MLLT1: variants seen among roughly 807,000 people sequenced by gnomAD.
The protein encoded by MLLT1 is protein ENL.
In MLLT1, 11 loss-of-function variants were observed where a neutral mutation model predicts 55.1. That is an observed-to-expected ratio of 0.20 (90% CI 0.13 to 0.33). The LOEUF is 0.33. MLLT1 is among the 10% of genes least tolerant of loss of function. The probability of loss-of-function intolerance (pLI) is 1.00; values close to 1 mark genes in which losing one functional copy is unlikely to be tolerated. For synonymous variants in MLLT1, 323 were observed against 320.1 expected (o/e 1.01, Z -0.10); for missense variants, 536 against 760.6 (o/e 0.70, Z 3.47).
chr19:6,253,198 G>A (rs1600205020), intron 3 of MLLT1, among the ~76,000 whole-genome samples: 1 of 135,010 alleles, frequency 7.4e-6, no homozygotes, highest in East Asian at 2.3e-4. Context: ...CCGGGAGGCA[G>A]AGCTTGCAGT....
chr19:6,225,089 C>T (rs1482936523), intron 5 of MLLT1, among the ~76,000 whole-genome samples: 2 of 152,334 alleles, frequency 1.3e-5, no homozygotes, highest in Non-Finnish European at 2.9e-5. Context: ...AGGCCAAGTA[C>T]CTGACATTAC....
chr19:6,222,246 G>A lies in MLLT1; in HGVS notation c.985C>T (p.Pro329Ser). The A allele has an allele frequency of 6.2e-7, 1 of 1,613,102 alleles. No individual in the cohort carries two copies. The highest frequency in any genetic ancestry group is 8.5e-7 in the Non-Finnish European group (1 of 1,179,698). The change falls in exon 6 of 12, where the codon CCG (proline) becomes TCG (serine). Residue 329 changes from proline to serine, a missense_variant. Transcript: ENST00000252674. This position sits in a 1 kb window ranked among gnomAD's most constrained non-coding sequence, Gnocchi z 4.1. ...CTGGTGCTGCTCTTGTCCTTGGCCG[G>A]CTTCTTGTCCGAGAAGGAGGAGGAG... The part of the protein sequence containing the change: ...SSSSSFSDKK[P>S]AKDKSSTRGE...
intron 2 of MLLT1, among the ~76,000 whole-genome samples, chr19:6,265,044 A>C (rs2091336159): frequency 1.8e-5 from 1 of 56,554 alleles, no homozygotes; most frequent in African/African-American, 5.7e-5. Context: ...ACAGCAAAAA[A>C]AAAACAAAAA....
chr19:6,219,246 C>T lies in MLLT1; in HGVS notation c.1111-1205G>A, dbSNP rs1702698838. On this transcript the variant is annotated intron_variant, in intron 6 of 11. Coordinates refer to ENST00000252674, the MANE Select transcript of MLLT1 (RefSeq NM_005934.4). This position sits in a 1 kb window ranked among gnomAD's most constrained non-coding sequence, Gnocchi z 4.5. ...GGGTTTACTGCAGCCCAACCCAGCC[C>T]CCTCCTGCCCCTCAAACCAGCCCCT... 6.6e-6 allele frequency among the ~76,000 whole-genome samples: 1 copy of T among 152,150 alleles called. No individual in the cohort carries two copies. The highest frequency in any genetic ancestry group is 2.1e-4 in the South Asian group (1 of 4,832).
Position 6,262,116 on chromosome 19 carries a change from G to A in MLLT1, c.276+112C>T. The A allele has an allele frequency of 2.5e-6, 2 of 807,204 alleles. No homozygotes were observed. The highest frequency in any genetic ancestry group is 1.4e-5 in the South Asian group (1 of 69,744). 50.0% of individuals were successfully genotyped at this position (807,204 alleles called of 1,614,324 possible). ...CACCCCCCGCAGCACTCACTGGAAT[G>A]TCTGTGCATGGGCAGCGGCCAGTTC... On this transcript the variant is annotated intron_variant, in intron 3 of 11. Transcript: ENST00000252674. This position sits in a 1 kb window ranked among gnomAD's most constrained non-coding sequence, Gnocchi z 4.4.
In MLLT1 at chr19:6,222,790, A is replaced by C. The variant is rs1207132835; in HGVS notation, c.547-106T>G. The C allele has an allele frequency of 1.1e-5, 10 of 883,332 alleles. No individual in the cohort carries two copies. The highest frequency in any genetic ancestry group is 2.4e-5 in the South Asian group (1 of 40,932). 54.7% of individuals were successfully genotyped at this position (883,332 alleles called of 1,614,324 possible). A position where few individuals can be genotyped will look rare whatever the true frequency, so the allele number is the denominator to read the frequency against. On this transcript the variant is annotated intron_variant, in intron 5 of 11. Coordinates refer to ENST00000252674, the MANE Select transcript of MLLT1 (RefSeq NM_005934.4). This position sits in a 1 kb window ranked among gnomAD's most constrained non-coding sequence, Gnocchi z 4.1. ...ACCCCTACAAAGCATAATCCACCTG[A>C]TTCAGCCTCAGCTAGAGAAACTCTT...
rs755830979 is a variant in MLLT1 at position 6,222,323 on chromosome 19, CTCT to C, written c.905_907del (p.Lys302del). 16 of 1,571,748 alleles carry C rather than the reference CTCT, an allele frequency of 1.0e-5. No individual in the cohort carries two copies. The highest frequency in any genetic ancestry group is 2.8e-5 in the African/African-American group (2 of 72,224). On this transcript the variant is annotated inframe_deletion, in exon 6 of 12. Transcript: ENST00000252674. The surrounding 1 kb of genome is among the most constrained non-coding windows in gnomAD (Gnocchi z 4.1). Reference sequence around the variant, plus strand: ...AGCACTCCGGGACCCCTTCGAGCTGCTCTTCTTCTGCTTCTTGGCGCTGGGCTT... The same window carrying C: ...AGCACTCCGGGACCCCTTCGAGCTGCTCTTCTGCTTCTTGGCGCTGGGCTT...
intron 2 of MLLT1, among the ~76,000 whole-genome samples, chr19:6,265,755 C>T (rs572956772): frequency 1.1e-4 from 16 of 151,958 alleles, no homozygotes; most frequent in African/African-American, 3.1e-4. Flanking sequence ...CTGCAGCAGG[C>T]GGATCACGAG....
Position 6,262,371 on chromosome 19 carries a change from A to G in MLLT1, c.194-61T>C. 1 of 1,467,762 alleles carries G rather than the reference A, an allele frequency of 6.8e-7. No individual in the cohort carries two copies. Among genetic ancestry groups the G allele is most frequent in the Non-Finnish European group, 9.5e-7 (1 of 1,055,150 alleles). The allele number at this position is 1,467,762 out of a possible 1,614,324, so 90.9% of individuals were successfully genotyped here. On this transcript the variant is annotated intron_variant, in intron 2 of 11. Transcript: ENST00000252674. The surrounding 1 kb of genome is among the most constrained non-coding windows in gnomAD (Gnocchi z 4.4). ...CCTGCCTGTTTCAGGCCCAGCTGCC[A>G]GCGGCAGTACCGCACCCCTCAACCC...
chr19:6,217,508 G>C (rs968503541), intron 7 of MLLT1, among the ~76,000 whole-genome samples: 2 of 152,222 alleles, frequency 1.3e-5, no homozygotes, highest in Non-Finnish European at 2.9e-5. Flanking sequence ...AGGGTGGCCT[G>C]CCTGGAGAGG....
rs534493274 is a variant in MLLT1, at chr19:6,273,552, G to A, written c.13-2793C>T. On this transcript the variant is annotated intron_variant, in intron 1 of 11. Coordinates refer to ENST00000252674, the MANE Select transcript of MLLT1 (RefSeq NM_005934.4). This position sits in a 1 kb window ranked among gnomAD's most constrained non-coding sequence, Gnocchi z 4.3. The stretch of plus-strand genomic sequence containing the variant: ...CACGAGTGTCTGCCTGAACACCACC[G>A]CATTCCAACAAACCCAAAACAACAC... Among the ~76,000 whole-genome samples, 57 of 152,262 alleles carry A rather than the reference G, an allele frequency of 3.7e-4. No homozygotes were observed. Among genetic ancestry groups the A allele is most frequent in the African/African-American group, 1.2e-3 (49 of 41,558 alleles).
intron 6 of MLLT1, 87 bp from the exon 7 acceptor site, chr19:6,218,128 G>A (rs1312901043): frequency 6.6e-7 from 1 of 1,504,974 alleles, no homozygotes; most frequent in African/African-American, 1.4e-5. Flanking sequence ...CCTGGCAGCA[G>A]CTACGCTGAG....
chr19:6,213,413 G>A lies in MLLT1; in HGVS notation c.1480-5C>T. ...CACCAGCTCATCCGTGTAGGCCTGG[G>A]GAGGGGGGGCAGGTCTCAGCAGCGT... On this transcript the variant is annotated splice_polypyrimidine_tract_variant and splice_region_variant and intron_variant, in intron 10 of 11. Coordinates refer to ENST00000252674, the MANE Select transcript of MLLT1 (RefSeq NM_005934.4). The A allele has an allele frequency of 6.2e-7, 1 of 1,610,410 alleles. No homozygotes were observed.
intron 6 of MLLT1, among the ~76,000 whole-genome samples, chr19:6,220,766 G>T (rs1002889754): frequency 6.6e-6 from 1 of 152,188 alleles, no homozygotes; most frequent in African/African-American, 2.4e-5. Flanking sequence ...GGGGACAAGC[G>T]CCTGCCCAGG....
chr19:6,234,337 A>G (rs2091040262), intron 3 of MLLT1, among the ~76,000 whole-genome samples: 1 of 152,234 alleles, frequency 6.6e-6, no homozygotes, highest in South Asian at 2.1e-4. Flanking sequence ...GAGGGTTTTC[A>G]GCTCAGGAAC....
At chr19:6,263,105 A>T (rs1600213643) in intron 2 of MLLT1, 1 of 152,088 alleles carries the variant, frequency 6.6e-6, no homozygotes, top group East Asian at 1.9e-4. Flanking sequence ...AATCGCTTGA[A>T]CCCCAGAGGC....
intron 5 of MLLT1, among the ~76,000 whole-genome samples, chr19:6,224,358 A>AG (rs2090933556): frequency 6.6e-6 from 1 of 152,208 alleles, no homozygotes; most frequent in East Asian, 1.9e-4. Flanking sequence ...CAGGGCTATC[A>AG]GGGGGTGTCC....
chr19:6,277,630 C>T (rs1289675091), intron 1 of MLLT1, among the ~76,000 whole-genome samples: 7 of 152,130 alleles, frequency 4.6e-5, no homozygotes, highest in African/African-American at 9.7e-5. Context: ...CACCCATTTC[C>T]ACCATCCCAC....
intron 3 of MLLT1, among the ~76,000 whole-genome samples, chr19:6,260,747 G>A (rs1233658975): frequency 6.6e-6 from 1 of 152,274 alleles, no homozygotes; most frequent in African/African-American, 2.4e-5. Context: ...TTGGGAGGCT[G>A]AGGTGGGAGG....
Sources: gnomAD v4.1 joint callset for allele counts (sites outside exome capture counted in the v4.1 genomes callset) on GRCh38, gnomAD v4.1.1 for gene constraint, Gnocchi (gnomAD v3.1) non-coding constraint, MANE v1.5 for transcripts, NCBI Gene and HGNC (gene_info 2026-07-23, HGNC 2026-07-21) for gene names.